The following DCUN1D3 variants were observed in gnomAD, a reference collection of about 807,000 sequenced individuals.
DCUN1D3 encodes defective in cullin neddylation 1 domain containing 3, also known as DCN1-like protein 3.
A neutral mutation model predicts 24.8 loss-of-function variants in DCUN1D3; 6 were observed. That is an observed-to-expected ratio of 0.24 (90% CI 0.13 to 0.48). The LOEUF is 0.48. Ranked by LOEUF, DCUN1D3 falls within the 20% of genes least tolerant of loss-of-function variation. The probability of loss-of-function intolerance (pLI) is 0.99; values close to 1 mark genes in which losing one functional copy is unlikely to be tolerated. For synonymous variants in DCUN1D3, 120 were observed against 144.9 expected (o/e 0.83, Z 1.24); for missense variants, 258 against 379.4 (o/e 0.68, Z 2.66).
At chr16:20,891,954 C>G (rs1409621994) in intron 1 of DCUN1D3, among the ~76,000 whole-genome samples, 2 of 152,148 alleles carry the variant, frequency 1.3e-5, no homozygotes, top group Non-Finnish European at 2.9e-5. Context: ...TATTTTGCAG[C>G]CTCTCCCAGC....
rs1191874355 is a variant in DCUN1D3, at chr16:20,854,968, C to T, written c.*4918G>A. 2.6e-5 allele frequency: 4 copies of T among 151,362 alleles called. No homozygotes were observed. Among genetic ancestry groups the T allele is most frequent in the African/African-American group, 9.8e-5 (4 of 40,982 alleles). The allele number at this position is 151,362 out of a possible 1,614,324, so 9.4% of individuals were successfully genotyped here. On this transcript the variant is annotated 3_prime_UTR_variant, in exon 3 of 3. Coordinates refer to ENST00000324344, the MANE Select transcript of DCUN1D3 (RefSeq NM_173475.4). ...TTAAATCCAACAGCAGGTAACCTTC[C>T]AAATAAAAAACATTAAAGGAAAAAA...
At chr16:20,889,224 C>CAAA (rs398028978) in intron 1 of DCUN1D3, among the ~76,000 whole-genome samples, 4 of 109,826 alleles carry the variant, frequency 3.6e-5, no homozygotes, top group African/African-American at 7.6e-5. Flanking sequence ...GACTCCATCT[C>CAAA]AAAAAAAAAA....
In DCUN1D3 at chr16:20,860,440, T is replaced by TA; in HGVS notation, c.432-72dup. On this transcript the variant is annotated intron_variant, in intron 2 of 2. Transcript: ENST00000324344. This position sits in a 1 kb window ranked among gnomAD's most constrained non-coding sequence, Gnocchi z 4.3. Reference sequence around the variant, plus strand: ...ATTTACAGGCAATATACATAGTGATTAAGAGCAAGGCTTTCAGGCCAGATG... The same window carrying TA: ...ATTTACAGGCAATATACATAGTGATTAAAGAGCAAGGCTTTCAGGCCAGATG... 1 of 1,481,048 alleles carries TA rather than the reference T, an allele frequency of 6.8e-7. No homozygotes were observed. The highest frequency in any genetic ancestry group is 9.0e-7 in the Non-Finnish European group (1 of 1,108,894). The allele number at this position is 1,481,048 out of a possible 1,614,324, so 91.7% of individuals were successfully genotyped here. A position where few individuals can be genotyped will look rare whatever the true frequency, so the allele number is the denominator to read the frequency against.
chr16:20,864,806 AG>A (rs1359833885), intron 1 of DCUN1D3, among the ~76,000 whole-genome samples: 6 of 144,500 alleles, frequency 4.2e-5, no homozygotes, highest in African/African-American at 1.6e-4. Context: ...AACGCTATGC[AG>A]CCATAAAAAA....
rs1158881970 is a variant in DCUN1D3 at position 20,885,480 on chromosome 16, G to A, written c.-106+14724C>T. On this transcript the variant is annotated intron_variant, in intron 1 of 2. Transcript: ENST00000324344. Reference sequence around the variant, plus strand: ...TGCAAACACAGACCAATCCCCAACTGTAGATAATAAAAGATGACAGTGTAA... The same window carrying A: ...TGCAAACACAGACCAATCCCCAACTATAGATAATAAAAGATGACAGTGTAA... 6.6e-5 allele frequency among the ~76,000 whole-genome samples: 10 copies of A among 151,832 alleles called. No individual in the cohort carries two copies. In the East Asian group the frequency reaches 1.9e-3, roughly 29 times the overall value.
chr16:20,893,914 T>C lies in DCUN1D3; in HGVS notation c.-106+6290A>G, dbSNP rs779602223. Among the ~76,000 whole-genome samples the C allele has an allele frequency of 2.6e-5, 4 of 152,192 alleles. 1 individual carries two copies. Among genetic ancestry groups the C allele is most frequent in the Middle Eastern group, 6.3e-3 (2 of 316 alleles). On this transcript the variant is annotated intron_variant, in intron 1 of 2. Coordinates refer to ENST00000324344, the MANE Select transcript of DCUN1D3 (RefSeq NM_173475.4). ...TAGAGTTCAAACCCATCATGAATGATAGAGAGCTAAAAGCTGTAACCCAAC... is the reference window on the plus strand; with the variant it reads ...TAGAGTTCAAACCCATCATGAATGACAGAGAGCTAAAAGCTGTAACCCAAC...
intron 1 of DCUN1D3, among the ~76,000 whole-genome samples, chr16:20,874,236 A>AG (rs1388171014): frequency 6.6e-6 from 1 of 152,252 alleles, no homozygotes; most frequent in Non-Finnish European, 1.5e-5. Flanking sequence ...AATATATCAT[A>AG]GGACCCTTAG....
chr16:20,869,186 C>T (rs1354736386), intron 1 of DCUN1D3, among the ~76,000 whole-genome samples: 1 of 152,256 alleles, frequency 6.6e-6, no homozygotes, highest in African/African-American at 2.4e-5. Flanking sequence ...AAGTTGTTCC[C>T]ATCTCCTAGG....
chr16:20,872,558 C>A (rs1408538045), intron 1 of DCUN1D3, among the ~76,000 whole-genome samples: 2 of 151,692 alleles, frequency 1.3e-5, no homozygotes, highest in African/African-American at 4.8e-5. Context: ...TAATGCATAG[C>A]AGACAGGAAG....
intron 1 of DCUN1D3, among the ~76,000 whole-genome samples, chr16:20,874,407 A>T (rs1270306632): frequency 6.6e-6 from 1 of 152,248 alleles, no homozygotes; most frequent in Non-Finnish European, 1.5e-5. Flanking sequence ...TCAAGTAGAT[A>T]TGCCACAGAA....
intron 1 of DCUN1D3, among the ~76,000 whole-genome samples, chr16:20,864,455 G>C (rs2081750219): frequency 6.6e-6 from 1 of 151,760 alleles, no homozygotes; most frequent in Non-Finnish European, 1.5e-5. Context: ...TCTCACACCA[G>C]TCAGAATGGC....
chr16:20,898,105 T>C (rs1861342702), intron 1 of DCUN1D3, among the ~76,000 whole-genome samples: 1 of 152,180 alleles, frequency 6.6e-6, no homozygotes, highest in Admixed American at 6.5e-5. Flanking sequence ...TGACCCTTTC[T>C]TCCCATTCCC....
rs1178419542 is a variant in DCUN1D3, at chr16:20,855,080, C to A, written c.*4806G>T. On this transcript the variant is annotated 3_prime_UTR_variant, in exon 3 of 3. Transcript: ENST00000324344. ...GGAGAGTGCAACAGTGCAGAAAATACAAACAAAAGTATTAACTTTTGTCAA... is the reference window on the plus strand; with the variant it reads ...GGAGAGTGCAACAGTGCAGAAAATAAAAACAAAAGTATTAACTTTTGTCAA... 1 of 152,450 alleles carries A rather than the reference C, an allele frequency of 6.6e-6. No homozygotes were observed. The highest frequency in any genetic ancestry group is 2.4e-5 in the African/African-American group (1 of 41,376). 9.4% of individuals were successfully genotyped at this position (152,450 alleles called of 1,614,324 possible).
chr16:20,867,261 C>T (rs545769016), intron 1 of DCUN1D3, among the ~76,000 whole-genome samples: 2 of 152,236 alleles, frequency 1.3e-5, no homozygotes, highest in East Asian at 3.9e-4. Context: ...GAACACATGA[C>T]GGACCGGCCC....
intron 1 of DCUN1D3, among the ~76,000 whole-genome samples, chr16:20,897,482 G>C (rs2081921115): frequency 1.3e-5 from 2 of 152,162 alleles, no homozygotes; most frequent in Non-Finnish European, 2.9e-5. Flanking sequence ...CACCTCAGCT[G>C]AGTGTTATTA....
intron 1 of DCUN1D3, among the ~76,000 whole-genome samples, chr16:20,882,252 A>ATTT (rs11310580): frequency 7.4e-6 from 1 of 135,514 alleles, no homozygotes; most frequent in Non-Finnish European, 1.6e-5. Flanking sequence ...TAACATTGCT[A>ATTT]TTTTTTTTTT....
At chr16:20,898,027 C>A (rs949651065) in intron 1 of DCUN1D3, among the ~76,000 whole-genome samples, 5 of 152,206 alleles carry the variant, frequency 3.3e-5, no homozygotes, top group Non-Finnish European at 5.9e-5. Context: ...CCAACTCTCC[C>A]CCGTGTTCAC....
chr16:20,899,030 C>A (rs2081939090), intron 1 of DCUN1D3, among the ~76,000 whole-genome samples: 1 of 152,204 alleles, frequency 6.6e-6, no homozygotes, highest in Non-Finnish European at 1.5e-5. Flanking sequence ...TCATTTAGGA[C>A]CCCCATACAC....
chr16:20,887,198 A>T (rs2081871625), intron 1 of DCUN1D3, among the ~76,000 whole-genome samples: 1 of 152,156 alleles, frequency 6.6e-6, no homozygotes, highest in Admixed American at 6.5e-5. Flanking sequence ...GCTACTCGGG[A>T]GGCTGAGGCA....
Sources: allele counts gnomAD v4.1 joint callset (sites outside exome capture counted in the v4.1 genomes callset), GRCh38; gene constraint gnomAD v4.1.1; non-coding constraint Gnocchi (gnomAD v3.1); transcripts MANE v1.5; gene names NCBI Gene and HGNC (gene_info 2026-07-23, HGNC 2026-07-21).